PACSIN1: variants seen among roughly 807,000 people sequenced by gnomAD.
The protein encoded by PACSIN1 is protein kinase C and casein kinase substrate in neurons 1, also known as protein kinase C and casein kinase substrate in neurons protein 1.
PACSIN1 carries 15 observed loss-of-function variants against 59.5 expected under a neutral mutation model. The ratio of observed to expected loss-of-function variants is 0.25; its 90% CI spans 0.17 to 0.39. PACSIN1 has a LOEUF of 0.39. Ranked by LOEUF, PACSIN1 falls within the 10% of genes least tolerant of loss-of-function variation. The pLI is 1.00. For synonymous variants in PACSIN1, 210 were observed against 220.6 expected (o/e 0.95, Z 0.42); for missense variants, 420 against 580.2 (o/e 0.72, Z 2.84).
intron 1 of PACSIN1, among the ~76,000 whole-genome samples, chr6:34,493,602 C>A (rs537144328): frequency 1.3e-5 from 2 of 152,204 alleles, no homozygotes; most frequent in African/African-American, 2.4e-5. Context: ...TTTAGCCACC[C>A]TGATGGTCCA....
intron 1 of PACSIN1, among the ~76,000 whole-genome samples, chr6:34,511,560 T>A (rs777949895): frequency 1.2e-4 from 19 of 152,154 alleles, no homozygotes; most frequent in Non-Finnish European, 2.4e-4. Flanking sequence ...CTCCTCCGGG[T>A]GCCTGCCAGG....
At chr6:34,523,790 A>G (rs181993256) in intron 1 of PACSIN1, among the ~76,000 whole-genome samples, 1 of 152,302 alleles carries the variant, frequency 6.6e-6, no homozygotes, top group East Asian at 1.9e-4. Context: ...TAGTTTGGAA[A>G]AGGCAGAGGC....
chr6:34,468,574 T>C (rs1481371978), intron 1 of PACSIN1, among the ~76,000 whole-genome samples: 2 of 152,168 alleles, frequency 1.3e-5, no homozygotes, highest in Admixed American at 6.5e-5. Context: ...TACTTTCAGT[T>C]CCTCAAGCAA....
rs1767564469 is a variant in PACSIN1 at position 34,530,155 on chromosome 6, C to G, written c.789-88C>G. 1.3e-6 allele frequency: 2 copies of G among 1,487,506 alleles called. No individual in the cohort carries two copies. Among genetic ancestry groups the G allele is most frequent in the Non-Finnish European group, 1.8e-6 (2 of 1,109,484 alleles). 92.1% of individuals were successfully genotyped at this position (1,487,506 alleles called of 1,614,324 possible). A position where few individuals can be genotyped will look rare whatever the true frequency, so the allele number is the denominator to read the frequency against. ...GGGCAGCATGCCCAGCACCCTGCTT[C>G]CCTGAGTGGACTCTGGCCTCTCACC... On this transcript the variant is annotated intron_variant, in intron 6 of 9. Coordinates refer to ENST00000244458, the MANE Select transcript of PACSIN1 (RefSeq NM_020804.5). The surrounding 1 kb of genome is among the most constrained non-coding windows in gnomAD (Gnocchi z 4.4).
Position 34,531,973 on chromosome 6 carries a change from A to C in PACSIN1, c.1225+186A>C, listed in dbSNP as rs908963326. On this transcript the variant is annotated intron_variant, in intron 9 of 9. Transcript: ENST00000244458. This position sits in a 1 kb window ranked among gnomAD's most constrained non-coding sequence, Gnocchi z 4.4. ...TGTGGTGGGGCAGGGGTGGTGCCTG[A>C]AAGAGAGGCTTGGGCCTGCATTGGG... Among the ~76,000 whole-genome samples the C allele has an allele frequency of 3.3e-5, 5 of 150,844 alleles. No individual in the cohort carries two copies. The highest frequency in any genetic ancestry group is 3.0e-5 in the Non-Finnish European group (2 of 67,696).
intron 1 of PACSIN1, among the ~76,000 whole-genome samples, chr6:34,491,335 T>A (rs1766873383): frequency 6.6e-6 from 1 of 152,086 alleles, no homozygotes; most frequent in African/African-American, 2.4e-5. Context: ...CCCCAGCCTC[T>A]CCAATTCGGG....
At chr6:34,498,351 C>T (rs905662607) in intron 1 of PACSIN1, among the ~76,000 whole-genome samples, 18 of 152,156 alleles carry the variant, frequency 1.2e-4, no homozygotes, top group Non-Finnish European at 2.6e-4. Flanking sequence ...CGAGCCACCG[C>T]GCCCGGCCCT....
intron 1 of PACSIN1, among the ~76,000 whole-genome samples, chr6:34,508,871 T>A (rs1023842559): frequency 1.1e-4 from 16 of 152,322 alleles, no homozygotes; most frequent in African/African-American, 3.6e-4. Flanking sequence ...AAATTTTTTT[T>A]AAGCTATCCA....
intron 3 of PACSIN1, among the ~76,000 whole-genome samples, chr6:34,528,438 G>A (rs1054020221): frequency 3.3e-5 from 5 of 152,246 alleles, no homozygotes; most frequent in Admixed American, 6.5e-5. Context: ...AGGGCTGCTG[G>A]CCATGGCAGG....
intron 1 of PACSIN1, among the ~76,000 whole-genome samples, chr6:34,504,309 TA>T (rs1767075542): frequency 8.5e-6 from 1 of 117,644 alleles, no homozygotes; most frequent in Non-Finnish European, 1.8e-5. Context: ...TTTTTTTTTT[TA>T]AACGGAGTTT....
At chr6:34,492,712 T>C (rs145321054) in intron 1 of PACSIN1, among the ~76,000 whole-genome samples, 2 of 152,314 alleles carry the variant, frequency 1.3e-5, no homozygotes, top group South Asian at 2.1e-4. Flanking sequence ...AATTAATGCA[T>C]GAACGGAAAA....
Position 34,526,321 on chromosome 6 carries a change from G to A in PACSIN1, c.16G>A (p.Asp6Asn), listed in dbSNP as rs765413972. The A allele has an allele frequency of 9.3e-6, 15 of 1,612,114 alleles. No individual in the cohort carries two copies. The highest frequency in any genetic ancestry group is 1.1e-5 in the South Asian group (1 of 91,074). MSSSYDEASLAPEETT... is the reference protein window; with the variant it reads MSSSYNEASLAPEETT... ...CGGCTACACCATGTCCAGCTCCTACGATGAGGCCTCACTGGCGCCAGAGGA... is the reference window on the plus strand; with the variant it reads ...CGGCTACACCATGTCCAGCTCCTACAATGAGGCCTCACTGGCGCCAGAGGA... The change falls in exon 2 of 10, where the codon GAT becomes AAT. Residue 6 changes from aspartate to asparagine, a missense_variant. Asp to Asn is a conservative substitution (Grantham distance 23). Transcript: ENST00000244458.
At chr6:34,519,503 G>T (rs186280699) in intron 1 of PACSIN1, among the ~76,000 whole-genome samples, 1 of 152,286 alleles carries the variant, frequency 6.6e-6, no homozygotes, top group Non-Finnish European at 1.5e-5. Context: ...GAGACCTGAA[G>T]GTCCCAGGTG....
chr6:34,521,689 A>G lies in PACSIN1; in HGVS notation c.-63-4554A>G, dbSNP rs563646634. On this transcript the variant is annotated intron_variant, in intron 1 of 9. Transcript: ENST00000244458. This position sits in a 1 kb window ranked among gnomAD's most constrained non-coding sequence, Gnocchi z 4.3. The stretch of plus-strand genomic sequence containing the variant: ...ACAGAGAGAGAGGGCCACCCCTGAG[A>G]TGGAGCTGTTGCTCCACTACAGGCA... Among the ~76,000 whole-genome samples, 2 of 152,098 alleles carry G rather than the reference A, an allele frequency of 1.3e-5. No homozygotes were observed. The highest frequency in any genetic ancestry group is 4.8e-5 in the African/African-American group (2 of 41,472).
At chr6:34,499,650 T>C (rs967212104) in intron 1 of PACSIN1, among the ~76,000 whole-genome samples, 4 of 151,656 alleles carry the variant, frequency 2.6e-5, no homozygotes, top group African/African-American at 7.3e-5. Context: ...AAAAAAATTA[T>C]GCAGGCATGG....
intron 1 of PACSIN1, among the ~76,000 whole-genome samples, chr6:34,487,214 C>T (rs1478157558): frequency 1.3e-5 from 2 of 152,046 alleles, no homozygotes; most frequent in Non-Finnish European, 2.9e-5. Context: ...ACAAAGTGCA[C>T]GTCAGTGAAC....
At chr6:34,478,061 CT>C (rs58616178) in intron 1 of PACSIN1, among the ~76,000 whole-genome samples, 1,992 of 114,514 alleles carry the variant, frequency 0.017, 21 homozygotes, top group Middle Eastern at 0.058. Context: ...CCCCTTTATC[CT>C]TTTTTTTTTT....
At chr6:34,500,690 T>A (rs1008379556) in intron 1 of PACSIN1, among the ~76,000 whole-genome samples, 2 of 152,252 alleles carry the variant, frequency 1.3e-5, no homozygotes, top group African/African-American at 4.8e-5. Flanking sequence ...TTTGAAGCAC[T>A]GAAGCCAGGC....
intron 2 of PACSIN1, 51 bp from the exon 3 acceptor site, chr6:34,527,281 G>A: frequency 2.1e-6 from 3 of 1,451,284 alleles, no homozygotes; most frequent in Non-Finnish European, 2.7e-6. Context: ...GGCGGGCGGG[G>A]CTGGGGACGC....
Sources: gnomAD v4.1 joint callset for allele counts (sites outside exome capture counted in the v4.1 genomes callset) on GRCh38, gnomAD v4.1.1 for gene constraint, Gnocchi (gnomAD v3.1) non-coding constraint, MANE v1.5 for transcripts, NCBI Gene and HGNC (gene_info 2026-07-23, HGNC 2026-07-21) for gene names.